The following CLASP1 variants were observed in gnomAD, a reference collection of about 807,000 sequenced individuals.
The protein encoded by CLASP1 is CLIP-associating protein 1.
A neutral mutation model predicts 192.3 loss-of-function variants in CLASP1; 38 were observed. That is an observed-to-expected ratio of 0.20 (90% CI 0.15 to 0.26). The LOEUF (loss-of-function observed/expected upper bound fraction) is 0.26. CLASP1 is among the 10% of genes least tolerant of loss of function. CLASP1 has a pLI of 1.00. For synonymous variants in CLASP1, 691 were observed against 712.8 expected (o/e 0.97, Z 0.49); for missense variants, 1,433 against 1,932.5 (o/e 0.74, Z 4.85).
chr2:121,522,428 C>T (rs2094478673), intron 6 of CLASP1, among the ~76,000 whole-genome samples: 1 of 152,154 alleles, frequency 6.6e-6, no homozygotes, highest in South Asian at 2.1e-4. Context: ...GGCTTCCTGG[C>T]ACAAAAAGTA....
At chr2:121,554,086 T>C (rs2058298216) in intron 2 of CLASP1, among the ~76,000 whole-genome samples, 2 of 149,514 alleles carry the variant, frequency 1.3e-5, no homozygotes, top group African/African-American at 4.9e-5. Flanking sequence ...TGTGGTGGCG[T>C]GTGCCTGTAG....
chr2:121,528,572 T>C, intron 4 of CLASP1, 105 bp downstream of exon 4: 1 of 839,188 alleles, frequency 1.2e-6, no homozygotes. Flanking sequence ...TACATCAGCT[T>C]AAGTCTATGG....
chr2:121,504,242 A>G (rs2093865805), intron 7 of CLASP1, among the ~76,000 whole-genome samples: 1 of 152,136 alleles, frequency 6.6e-6, no homozygotes. Flanking sequence ...CAAAAAAAAA[A>G]AAAGAAAGAA....
chr2:121,457,836 C>T, intron 13 of CLASP1, 79 bp from the exon 14 acceptor site: 2 of 975,300 alleles, frequency 2.1e-6, no homozygotes, highest in South Asian at 1.4e-5. Flanking sequence ...CACTTCCTTA[C>T]TAACCTACTT....
chr2:121,586,021 C>T (rs371908313), intron 2 of CLASP1, among the ~76,000 whole-genome samples: 3 of 152,184 alleles, frequency 2.0e-5, no homozygotes, highest in African/African-American at 7.2e-5. Context: ...AACCTGACCA[C>T]TCTACTTGCT....
intron 6 of CLASP1, among the ~76,000 whole-genome samples, chr2:121,520,047 T>G (rs142424810): frequency 3.0e-4 from 46 of 152,328 alleles, no homozygotes; most frequent in African/African-American, 9.9e-4. Context: ...CTTATATGTA[T>G]GCTTTACAGA....
chr2:121,508,250 G>A (rs1245436547), intron 7 of CLASP1, among the ~76,000 whole-genome samples: 1 of 152,096 alleles, frequency 6.6e-6, no homozygotes, highest in African/African-American at 2.4e-5. Flanking sequence ...GAAGAAAACA[G>A]AGCTAAGTAG....
intron 28 of CLASP1, 104 bp downstream of exon 29, chr2:121,401,405 T>C: frequency 3.7e-6 from 3 of 802,672 alleles, no homozygotes; most frequent in South Asian, 3.7e-5. Context: ...GTAAAAGAGA[T>C]ATTCAAGGGG....
intron 30 of CLASP1, among the ~76,000 whole-genome samples, chr2:121,394,871 C>A (rs1389051384): frequency 6.6e-6 from 1 of 152,208 alleles, no homozygotes; most frequent in African/African-American, 2.4e-5. Context: ...CAGAGCGAGA[C>A]TCCGTCTCAA....
At chr2:121,641,828 C>T (rs949710738) in intron 1 of CLASP1, among the ~76,000 whole-genome samples, 4 of 152,022 alleles carry the variant, frequency 2.6e-5, no homozygotes, top group Admixed American at 6.6e-5. Flanking sequence ...CTAAATGGTA[C>T]GAATTTTTGG....
chr2:121,641,036 A>T (rs1316909222), intron 1 of CLASP1, among the ~76,000 whole-genome samples: 1 of 152,238 alleles, frequency 6.6e-6, no homozygotes, highest in African/African-American at 2.4e-5. Context: ...AACAGCCACC[A>T]GCACCACAGA....
rs1045831495 is a variant in CLASP1, at chr2:121,344,886, G to A, written c.4530+2152C>T. On this transcript the variant is annotated intron_variant, in intron 39 of 39. Coordinates refer to ENST00000263710, the Ensembl canonical transcript of CLASP1. ...ATGAAAAAAAATTTAGGCCAGACAC[G>A]GTGGCTCACACCTGCAATCCCAGCA... is the stretch of plus-strand genomic sequence containing the variant. 6.6e-5 allele frequency among the ~76,000 whole-genome samples: 10 copies of A among 152,110 alleles called. No homozygotes were observed. In the East Asian group the frequency reaches 9.7e-4, roughly 15 times the overall value.
chr2:121,411,704 A>G (rs1392666099), intron 23 of CLASP1, among the ~76,000 whole-genome samples: 1 of 152,184 alleles, frequency 6.6e-6, no homozygotes, highest in Non-Finnish European at 1.5e-5. Context: ...TAGTAGTTCA[A>G]ACAAGTATTT....
Position 121,584,388 on chromosome 2 carries a change from C to T in CLASP1, c.195+21313G>A, listed in dbSNP as rs929919807. Among the ~76,000 whole-genome samples the T allele has an allele frequency of 3.3e-5, 5 of 152,168 alleles. No individual in the cohort carries two copies. The South Asian group carries it at 1.0e-3, about 31-fold the overall frequency. On this transcript the variant is annotated intron_variant, in intron 2 of 39. Transcript: ENST00000263710. ...AACACTGAAAAACTTGTAGGGCATT[C>T]CATTACTTAAACAGTCAAATAGCTG... is the stretch of plus-strand genomic sequence containing the variant.
At chr2:121,394,293 G>C (rs1229697329) in intron 30 of CLASP1, among the ~76,000 whole-genome samples, 1 of 152,194 alleles carries the variant, frequency 6.6e-6, no homozygotes, top group South Asian at 2.1e-4. Context: ...GCCCTTAAAA[G>C]GCATCAGAGA....
At chr2:121,396,474 C>T (rs913474938) in intron 30 of CLASP1, among the ~76,000 whole-genome samples, 2 of 152,126 alleles carry the variant, frequency 1.3e-5, no homozygotes, top group African/African-American at 4.8e-5. Flanking sequence ...GCTAATCATT[C>T]GAAATTATCT....
At chr2:121,630,463 A>G (rs902305759) in intron 1 of CLASP1, among the ~76,000 whole-genome samples, 1 of 151,630 alleles carries the variant, frequency 6.6e-6, no homozygotes, top group Non-Finnish European at 1.5e-5. Flanking sequence ...TGTATCTAGT[A>G]CCCATCTCTA....
chr2:121,530,671 C>T (rs1033451833), intron 2 of CLASP1: 1 of 511,684 alleles, frequency 2.0e-6, no homozygotes, highest in Non-Finnish European at 3.5e-6. Flanking sequence ...TTCGAGCGGC[C>T]GACGCGCGGT....
intron 16 of CLASP1, among the ~76,000 whole-genome samples, chr2:121,449,660 T>A (rs147010492): frequency 8.1e-4 from 124 of 152,286 alleles, no homozygotes; most frequent in African/African-American, 2.9e-3. Context: ...AAACAGATTA[T>A]TAACAAATCC....
Sources: gnomAD v4.1 joint callset for allele counts (sites outside exome capture counted in the v4.1 genomes callset) on GRCh38, gnomAD v4.1.1 for gene constraint, MANE v1.5 for transcripts, NCBI Gene and HGNC (gene_info 2026-07-23, HGNC 2026-07-21) for gene names.